Variants in C5orf22 observed in about 807,000 individuals in gnomAD.
The protein encoded by C5orf22 is UPF0489 protein C5orf22.
C5orf22 carries 36 observed loss-of-function variants against 48.7 expected under a neutral mutation model. That is an observed-to-expected ratio of 0.74 (90% CI 0.57 to 0.98). The LOEUF is 0.98. Among genes scored for constraint, C5orf22 ranks in the 50% least tolerant of loss-of-function variants. The probability of loss-of-function intolerance (pLI) is 0.00; values close to 1 mark genes in which losing one functional copy is unlikely to be tolerated. For missense variants in C5orf22, 486 were observed against 521.9 expected, an observed-to-expected ratio of 0.93 and a Z score of 0.67; for synonymous variants, 141 against 180.8, an observed-to-expected ratio of 0.78 and a Z score of 1.76.
chr5:31,540,501 G>A (rs535081738), intron 4 of C5orf22, among the ~76,000 whole-genome samples: 1 of 152,296 alleles, frequency 6.6e-6, no homozygotes, highest in Admixed American at 6.5e-5. Context: ...TGTTGTTAGA[G>A]AAATGGCTGC....
chr5:31,551,156 A>G (rs1743232855), intron 7 of C5orf22, 137 bp from the exon 8 acceptor site: 5 of 786,254 alleles, frequency 6.4e-6, no homozygotes, highest in African/African-American at 5.4e-5. Flanking sequence ...GCTATTATGA[A>G]TCACATGTAC....
chr5:31,552,081 C>T (rs373761740), intron 8 of C5orf22, among the ~76,000 whole-genome samples: 7 of 152,140 alleles, frequency 4.6e-5, no homozygotes, highest in African/African-American at 1.2e-4. Flanking sequence ...CACCCTTATC[C>T]GGAACCAGGA....
At chr5:31,544,964 C>T (rs923995710) in intron 6 of C5orf22, among the ~76,000 whole-genome samples, 1 of 124,192 alleles carries the variant, frequency 8.1e-6, no homozygotes, top group South Asian at 2.8e-4. Flanking sequence ...TACAAATAAA[C>T]GTGTCCTTAA....
chr5:31,549,976 G>A (rs1743144780), intron 7 of C5orf22, among the ~76,000 whole-genome samples: 1 of 152,116 alleles, frequency 6.6e-6, no homozygotes. Context: ...TTTTTTCGTT[G>A]GGTGGGTTTG....
At chr5:31,541,500 A>G in intron 6 of C5orf22, 98 bp downstream of exon 6, 1 of 1,333,358 alleles carries the variant, frequency 7.5e-7, no homozygotes. Flanking sequence ...AAAAAGTAGT[A>G]TTCAGCTACT....
At chr5:31,547,740 C>A (rs1274762575) in intron 7 of C5orf22, among the ~76,000 whole-genome samples, 1 of 152,216 alleles carries the variant, frequency 6.6e-6, no homozygotes. Context: ...CTAGGCTGTA[C>A]ACAGCACTGG....
At chr5:31,543,702 A>C (rs1171105588) in intron 6 of C5orf22, among the ~76,000 whole-genome samples, 1 of 152,222 alleles carries the variant, frequency 6.6e-6, no homozygotes, top group Non-Finnish European at 1.5e-5. Context: ...GTCTTCCTAG[A>C]AATACTGAAA....
rs1743457936 is a variant in C5orf22 at position 31,554,197 on chromosome 5, C to G, written c.*1295C>G. 1 of 152,154 alleles carries G rather than the reference C, an allele frequency of 6.6e-6. No homozygotes were observed. The highest frequency in any genetic ancestry group is 1.5e-5 in the Non-Finnish European group (1 of 68,028). The allele number at this position is 152,154 out of a possible 1,614,324, so 9.4% of individuals were successfully genotyped here. ...GAAATGACATTTAAAGAAAAACAAACACCCATCATTCCTCAGTCCCAACAC... is the reference window on the plus strand; with the variant it reads ...GAAATGACATTTAAAGAAAAACAAAGACCCATCATTCCTCAGTCCCAACAC... On this transcript the variant is annotated 3_prime_UTR_variant, in exon 9 of 9. Transcript: ENST00000325366.
rs559096687 is a variant in C5orf22, at chr5:31,552,828, G to A, written c.1255G>A (p.Val419Ile). The change falls in exon 9 of 9, where the codon GTC becomes ATC. Residue 419 changes from valine to isoleucine, a missense_variant. Val to Ile is a conservative substitution (Grantham distance 29, BLOSUM62 3). Around this residue, in one of 3 missense-constraint regions of C5orf22, gnomAD observed 408 missense variants for 444.0 expected, o/e 0.92. Coordinates refer to ENST00000325366, the MANE Select transcript of C5orf22 (RefSeq NM_018356.3). ...CCAAGTTGACACTATTCAAGAAAAG[G>A]TCCTCAATATGCTACGTGCCCTCTA... The part of the protein sequence containing the change: ...SDQVDTIQEK[V>I]LNMLRALYGN... 5 of 1,613,572 alleles carry A rather than the reference G, an allele frequency of 3.1e-6. No individual in the cohort carries two copies. In the African/African-American group the frequency reaches 6.7e-5, roughly 22 times the overall value.
rs1232819527 is a variant in C5orf22, at chr5:31,538,344, G to A, written c.462G>A (p.Leu154=). The change falls in exon 4 of 9, where the codon TTG becomes TTA. Residue 154 remains leucine, a synonymous_variant. Transcript: ENST00000325366. The part of the protein sequence containing the change: ...DQLENQKPLQ[L]DVIMVKPYKL... ...TAGAGAACCAAAAACCTTTACAATT[G>A]GATGTAATTATGGTAAAACCTTATA... The A allele has an allele frequency of 3.7e-6, 6 of 1,613,738 alleles. No homozygotes were observed. The highest frequency in any genetic ancestry group is 3.3e-5 in the Admixed American group (2 of 59,996).
intron 8 of C5orf22, 56 bp from the exon 9 acceptor site, chr5:31,552,717 A>G: frequency 6.6e-7 from 1 of 1,504,422 alleles, no homozygotes; most frequent in Non-Finnish European, 9.1e-7. Context: ...GCTTTTCCTC[A>G]CAGTATGATT....
intron 3 of C5orf22, 96 bp from the exon 4 acceptor site, chr5:31,538,164 G>C (rs1742214033): frequency 2.3e-6 from 2 of 888,358 alleles, no homozygotes. Context: ...CTCAGTTTTT[G>C]TCAAATAGGT....
rs1743253510 is a variant in C5orf22 at position 31,551,375 on chromosome 5, A to G, written c.1142A>G (p.Gln381Arg). The part of the protein sequence containing the change: ...STEQEIECLI[Q>R]SVHYLLKNLP... ...GAACAAGAAATAGAGTGTCTTATTCAATCTGTGCATTATTTGCTGAAAAAT... is the reference window on the plus strand; with the variant it reads ...GAACAAGAAATAGAGTGTCTTATTCGATCTGTGCATTATTTGCTGAAAAAT... The change falls in exon 8 of 9, where the codon CAA becomes CGA. Residue 381 changes from glutamine to arginine, a missense_variant. By Grantham distance (43) the Gln-to-Arg change is conservative. Coordinates refer to ENST00000325366, the MANE Select transcript of C5orf22 (RefSeq NM_018356.3). 1 of 1,613,508 alleles carries G rather than the reference A, an allele frequency of 6.2e-7. No homozygotes were observed. Among genetic ancestry groups the G allele is most frequent in the Non-Finnish European group, 8.5e-7 (1 of 1,179,850 alleles).
At chr5:31,537,525 A>C (rs977396599) in intron 3 of C5orf22, among the ~76,000 whole-genome samples, 2 of 152,228 alleles carry the variant, frequency 1.3e-5, no homozygotes, top group Non-Finnish European at 2.9e-5. Context: ...TCAAGTGGGA[A>C]ATAAATATTA....
chr5:31,543,864 C>G (rs1018934243), intron 6 of C5orf22, among the ~76,000 whole-genome samples: 15 of 152,134 alleles, frequency 9.9e-5, no homozygotes, highest in African/African-American at 3.6e-4. Flanking sequence ...CAGTTAGCTC[C>G]TCATCACCAG....
chr5:31,552,817 T>C lies in C5orf22; in HGVS notation c.1244T>C (p.Ile415Thr). 3 of 1,613,766 alleles carry C rather than the reference T, an allele frequency of 1.9e-6. No individual in the cohort carries two copies. Among genetic ancestry groups the C allele is most frequent in the East Asian group, 2.2e-5 (1 of 44,852 alleles). The change falls in exon 9 of 9, where the codon ATT becomes ACT. Residue 415 changes from isoleucine to threonine, a missense_variant. Around this residue, in one of 3 missense-constraint regions of C5orf22, gnomAD observed 408 missense variants for 444.0 expected, o/e 0.92. Transcript: ENST00000325366. Reference sequence around the variant, plus strand: ...TGTCCTTCTGACCAAGTTGACACTATTCAAGAAAAGGTCCTCAATATGCTA... The same window carrying C: ...TGTCCTTCTGACCAAGTTGACACTACTCAAGAAAAGGTCCTCAATATGCTA... ...DYCPSDQVDTIQEKVLNMLRA... is the reference protein window; with the variant it reads ...DYCPSDQVDTTQEKVLNMLRA...
chr5:31,536,007 A>C, intron 3 of C5orf22, 114 bp downstream of exon 3: 1 of 1,001,148 alleles, frequency 1.0e-6, no homozygotes, highest in Non-Finnish European at 1.5e-6. Flanking sequence ...TTAAGCCTCG[A>C]CTTCTCCAAA....
intron 1 of C5orf22, among the ~76,000 whole-genome samples, chr5:31,532,791 T>G (rs549345657): frequency 6.6e-6 from 1 of 152,142 alleles, no homozygotes; most frequent in East Asian, 1.9e-4. Flanking sequence ...AACCTGCAGT[T>G]AACTCTGGCT....
chr5:31,541,315 A>G lies in C5orf22; in HGVS notation c.905A>G (p.His302Arg), dbSNP rs375944421. The change falls in exon 6 of 9, where the codon CAT (histidine) becomes CGT (arginine). Residue 302 changes from histidine (H) to arginine (R), a missense_variant. Transcript: ENST00000325366. ...GTAGATATTGTTGATACTCGAATTCATCAATTAGAGGATTTAGAAGCCACT... is the reference window on the plus strand; with the variant it reads ...GTAGATATTGTTGATACTCGAATTCGTCAATTAGAGGATTTAGAAGCCACT... ...DLVDIVDTRI[H>R]QLEDLEATFA... 2 of 1,611,952 alleles carry G rather than the reference A, an allele frequency of 1.2e-6. No individual in the cohort carries two copies. Among genetic ancestry groups the G allele is most frequent in the East Asian group, 2.2e-5 (1 of 44,870 alleles).
Sources: allele counts gnomAD v4.1 joint callset (sites outside exome capture counted in the v4.1 genomes callset), GRCh38; gene constraint gnomAD v4.1.1; regional missense constraint gnomAD v4.1.1; transcripts MANE v1.5; gene names NCBI Gene and HGNC (gene_info 2026-07-23, HGNC 2026-07-21).